Variants in GUCA1C observed in about 807,000 individuals in gnomAD.
GUCA1C encodes guanylyl cyclase-activating protein 3.
A neutral mutation model predicts 16.2 loss-of-function variants in GUCA1C; 15 were observed. The ratio of observed to expected loss-of-function variants is 0.93; its 90% CI spans 0.62 to 1.43. The LOEUF is 1.43. Ranked by LOEUF, GUCA1C falls within the 40% of genes most tolerant of loss-of-function variation. GUCA1C has a pLI of 0.00. For synonymous variants in GUCA1C, 78 were observed against 85.4 expected, an observed-to-expected ratio of 0.91 and a Z score of 0.48; for missense variants, 275 against 244.8, an observed-to-expected ratio of 1.12 and a Z score of -0.82.
At chr3:108,943,773 C>T (rs1270802389) in intron 1 of GUCA1C, among the ~76,000 whole-genome samples, 1 of 152,112 alleles carries the variant, frequency 6.6e-6, no homozygotes, top group Non-Finnish European at 1.5e-5. Context: ...ATCCCTCACG[C>T]CCCCCTCACT....
chr3:108,948,992 T>C (rs1576558517), intron 1 of GUCA1C, among the ~76,000 whole-genome samples: 1 of 151,920 alleles, frequency 6.6e-6, no homozygotes, highest in South Asian at 2.1e-4. Context: ...GGATTACAGG[T>C]GCCCACCACC....
chr3:108,952,967 T>C (rs1946911184), intron 1 of GUCA1C, among the ~76,000 whole-genome samples: 1 of 152,164 alleles, frequency 6.6e-6, no homozygotes, highest in Admixed American at 6.5e-5. Flanking sequence ...AAATTCAAGA[T>C]AAAAGTTGAG....
intron 1 of GUCA1C, among the ~76,000 whole-genome samples, chr3:108,935,145 G>T (rs1173924794): frequency 6.6e-6 from 1 of 151,792 alleles, no homozygotes; most frequent in African/African-American, 2.4e-5. Context: ...CTAAACGTTG[G>T]GTACTCATGG....
rs1327249807 is a variant in GUCA1C, at chr3:108,907,799, T to C, written c.*223A>G. On this transcript the variant is annotated 3_prime_UTR_variant, in exon 4 of 4. Coordinates refer to ENST00000261047, the MANE Select transcript of GUCA1C (RefSeq NM_005459.4). The stretch of plus-strand genomic sequence containing the variant: ...TAGGTATGGAGACAATCCTTTAGTG[T>C]AATCATTATGTTTTAATCTGCAGAG... 4.1e-6 allele frequency: 2 copies of C among 491,964 alleles called. No individual in the cohort carries two copies. The highest frequency in any genetic ancestry group is 7.2e-6 in the Non-Finnish European group (2 of 278,966). The allele number at this position is 491,964 out of a possible 1,614,324, so 30.5% of individuals were successfully genotyped here.
chr3:108,940,910 G>C (rs1284593594), intron 1 of GUCA1C, among the ~76,000 whole-genome samples: 1 of 152,182 alleles, frequency 6.6e-6, no homozygotes, highest in Non-Finnish European at 1.5e-5. Context: ...GACACAGAGA[G>C]GTTAATGGTC....
At chr3:108,940,866 G>A (rs1237126888) in intron 1 of GUCA1C, among the ~76,000 whole-genome samples, 2 of 152,158 alleles carry the variant, frequency 1.3e-5, no homozygotes, top group African/African-American at 2.4e-5. Context: ...AGGCAGCATA[G>A]GTCTTGTCCC....
chr3:108,938,518 A>C (rs1184102231), intron 1 of GUCA1C, among the ~76,000 whole-genome samples: 2 of 152,254 alleles, frequency 1.3e-5, no homozygotes, highest in African/African-American at 4.8e-5. Flanking sequence ...AGGCAATATA[A>C]GGTCCTTTCA....
At chr3:108,916,448 G>A (rs914637470) in intron 2 of GUCA1C, among the ~76,000 whole-genome samples, 2 of 152,150 alleles carry the variant, frequency 1.3e-5, no homozygotes, top group Non-Finnish European at 2.9e-5. Flanking sequence ...AGCATACAGG[G>A]ATCCATTCAA....
chr3:108,946,294 C>CT (rs980426426), intron 1 of GUCA1C, among the ~76,000 whole-genome samples: 24 of 151,554 alleles, frequency 1.6e-4, no homozygotes, highest in African/African-American at 5.1e-4. Context: ...TGCCCAGCTA[C>CT]TTTTTTTGTG....
chr3:108,909,344 T>G (rs1339227162), intron 3 of GUCA1C, among the ~76,000 whole-genome samples: 1 of 152,190 alleles, frequency 6.6e-6, no homozygotes, highest in Non-Finnish European at 1.5e-5. Flanking sequence ...ACAGAAAAGG[T>G]ACAATCGTAG....
At chr3:108,918,538 C>G (rs1047722277) in intron 2 of GUCA1C, among the ~76,000 whole-genome samples, 18 of 152,130 alleles carry the variant, frequency 1.2e-4, no homozygotes, top group Non-Finnish European at 1.9e-4. Context: ...CAATGGTTTC[C>G]TAACATCCCC....
chr3:108,935,719 A>T (rs1946720915), intron 1 of GUCA1C, among the ~76,000 whole-genome samples: 2 of 152,006 alleles, frequency 1.3e-5, no homozygotes, highest in African/African-American at 4.8e-5. Context: ...ACAACAAAAA[A>T]AGAAAGCATA....
intron 3 of GUCA1C, among the ~76,000 whole-genome samples, chr3:108,909,791 A>G (rs534564627): frequency 2.6e-5 from 4 of 152,164 alleles, no homozygotes; most frequent in African/African-American, 9.6e-5. Flanking sequence ...AACTTTTTTC[A>G]TGTTACCTAA....
At chr3:108,917,828 G>A (rs1946532619) in intron 2 of GUCA1C, among the ~76,000 whole-genome samples, 1 of 152,054 alleles carries the variant, frequency 6.6e-6, no homozygotes, top group Non-Finnish European at 1.5e-5. Context: ...GGCGGATCAC[G>A]AGGTCAGGAG....
intron 1 of GUCA1C, among the ~76,000 whole-genome samples, chr3:108,935,594 G>T (rs1393494638): frequency 6.6e-6 from 1 of 152,044 alleles, no homozygotes; most frequent in Non-Finnish European, 1.5e-5. Flanking sequence ...TACTTGGGAG[G>T]CTGAGGCAGG....
intron 1 of GUCA1C, among the ~76,000 whole-genome samples, chr3:108,942,183 A>G (rs1946793233): frequency 6.6e-6 from 1 of 152,222 alleles, no homozygotes; most frequent in Non-Finnish European, 1.5e-5. Context: ...ACTCTATAAT[A>G]TTGTTGTAAG....
chr3:108,930,431 G>A (rs1251962389), intron 1 of GUCA1C, among the ~76,000 whole-genome samples: 1 of 150,938 alleles, frequency 6.6e-6, no homozygotes, highest in Non-Finnish European at 1.5e-5. Flanking sequence ...GGGAAGCAAA[G>A]GCTATTTGGC....
intron 1 of GUCA1C, among the ~76,000 whole-genome samples, chr3:108,934,854 C>T (rs1366480069): frequency 8.1e-6 from 1 of 123,494 alleles, no homozygotes; most frequent in Non-Finnish European, 1.6e-5. Flanking sequence ...CCCTCTTTCA[C>T]CCAGGCCTGA....
chr3:108,911,036 T>C (rs988278217), intron 3 of GUCA1C, among the ~76,000 whole-genome samples: 3 of 152,156 alleles, frequency 2.0e-5, no homozygotes, highest in Non-Finnish European at 2.9e-5. Flanking sequence ...GGAATCTACG[T>C]TGTTTAGGGC....
Sources: allele counts gnomAD v4.1 joint callset (sites outside exome capture counted in the v4.1 genomes callset), GRCh38; gene constraint gnomAD v4.1.1; transcripts MANE v1.5; gene names NCBI Gene and HGNC (gene_info 2026-07-23, HGNC 2026-07-21).